RAMP1: variants seen among roughly 807,000 people sequenced by gnomAD.
The protein encoded by RAMP1 is receptor activity modifying protein 1.
RAMP1 carries 7 observed loss-of-function variants against 8.2 expected under a neutral mutation model. That is an observed-to-expected ratio of 0.85 (90% confidence interval 0.49 to 1.60). The LOEUF (loss-of-function observed/expected upper bound fraction) is 1.60. RAMP1 is among the 40% of genes most tolerant of loss of function. The pLI, the probability that RAMP1 is intolerant of heterozygous loss-of-function variation, is 0.00. For missense variants in RAMP1, 192 were observed against 202.4 expected (o/e 0.95, Z 0.31); for synonymous variants, 92 against 84.7 (o/e 1.09, Z -0.47).
intron 2 of RAMP1, among the ~76,000 whole-genome samples, chr2:237,910,087 G>C (rs551403399): frequency 4.6e-5 from 7 of 152,254 alleles, no homozygotes; most frequent in African/African-American, 1.7e-4. Flanking sequence ...AGCCGTGGCA[G>C]GATAGGGTCA....
intron 1 of RAMP1, among the ~76,000 whole-genome samples, chr2:237,871,498 C>G (rs779843417): frequency 6.6e-6 from 1 of 152,164 alleles, no homozygotes; most frequent in Admixed American, 6.5e-5. Flanking sequence ...AGGGACAGAT[C>G]GTGGCAACTG....
chr2:237,880,666 G>A (rs1322149406), intron 2 of RAMP1, among the ~76,000 whole-genome samples: 1 of 152,222 alleles, frequency 6.6e-6, no homozygotes, highest in Admixed American at 6.5e-5. Flanking sequence ...GGGCCCAGCA[G>A]GCCAGCAGGC....
intron 2 of RAMP1, 137 bp from the exon 3 acceptor site, chr2:237,911,391 C>A: frequency 8.0e-7 from 1 of 1,255,010 alleles, no homozygotes. Flanking sequence ...GATCCAGGGC[C>A]ACTGCCTCGG....
chr2:237,910,345 TC>T (rs1284523984), intron 2 of RAMP1, among the ~76,000 whole-genome samples: 1 of 145,304 alleles, frequency 6.9e-6, no homozygotes, highest in Non-Finnish European at 1.5e-5. Flanking sequence ...AATAACACAG[TC>T]ACACACACAC....
intron 2 of RAMP1, among the ~76,000 whole-genome samples, chr2:237,909,203 C>T (rs994633657): frequency 2.5e-4 from 38 of 152,126 alleles, no homozygotes; most frequent in Non-Finnish European, 2.8e-4. Flanking sequence ...CCACCGAGGG[C>T]GAGGGACAGT....
intron 2 of RAMP1, among the ~76,000 whole-genome samples, chr2:237,884,185 C>A (rs374423239): frequency 5.3e-5 from 8 of 152,154 alleles, no homozygotes; most frequent in African/African-American, 1.9e-4. Context: ...CTACATGGAA[C>A]AGGTCCCTGA....
chr2:237,890,326 T>C (rs2062475962), intron 2 of RAMP1, among the ~76,000 whole-genome samples: 1 of 151,984 alleles, frequency 6.6e-6, no homozygotes, highest in South Asian at 2.1e-4. Flanking sequence ...CTCAGCCTCC[T>C]GAGTAGCTGG....
At chr2:237,909,265 C>T (rs1344296983) in intron 2 of RAMP1, among the ~76,000 whole-genome samples, 3 of 152,156 alleles carry the variant, frequency 2.0e-5, no homozygotes, top group Non-Finnish European at 4.4e-5. Context: ...ACCTGGCAGC[C>T]CTCCAGCCTT....
chr2:237,906,010 C>CAAAAAAA (rs377067863), intron 2 of RAMP1, among the ~76,000 whole-genome samples: 1 of 95,784 alleles, frequency 1.0e-5, no homozygotes, highest in Non-Finnish European at 2.1e-5. Context: ...GACTCTGTCT[C>CAAAAAAA]AAAAAAAAAA....
chr2:237,892,550 G>A (rs527841039), intron 2 of RAMP1, among the ~76,000 whole-genome samples: 14 of 152,164 alleles, frequency 9.2e-5, no homozygotes, highest in African/African-American at 1.7e-4. Flanking sequence ...GTGAGCCACC[G>A]TGCCCAGCCT....
At chr2:237,905,989 C>A (rs1313943799) in intron 2 of RAMP1, among the ~76,000 whole-genome samples, 2 of 124,404 alleles carry the variant, frequency 1.6e-5, no homozygotes, top group African/African-American at 3.1e-5. Flanking sequence ...CCAGCCTGGG[C>A]AACAGAGCAA....
At chr2:237,861,217 C>T (rs996506942) in intron 1 of RAMP1, among the ~76,000 whole-genome samples, 2 of 151,982 alleles carry the variant, frequency 1.3e-5, no homozygotes, top group Non-Finnish European at 2.9e-5. Context: ...CCTTGTTTAC[C>T]GAGAAAACTA....
intron 2 of RAMP1, among the ~76,000 whole-genome samples, chr2:237,897,443 G>A (rs1296583786): frequency 6.6e-6 from 1 of 152,338 alleles, no homozygotes; most frequent in East Asian, 1.9e-4. Context: ...CCACAGCAGC[G>A]AGAACACTGA....
intron 1 of RAMP1, among the ~76,000 whole-genome samples, chr2:237,860,381 AAAG>A: frequency 6.6e-6 from 1 of 152,252 alleles, no homozygotes; most frequent in Non-Finnish European, 1.5e-5. Flanking sequence ...ATAGAAATTT[AAAG>A]AAGGACGGGT....
chr2:237,894,840 G>T (rs2062522362), intron 2 of RAMP1, among the ~76,000 whole-genome samples: 1 of 152,300 alleles, frequency 6.6e-6, no homozygotes, highest in East Asian at 1.9e-4. Context: ...GGAACAAAGG[G>T]ACACGTGTTC....
At chr2:237,881,689 T>C (rs2062369917) in intron 2 of RAMP1, among the ~76,000 whole-genome samples, 1 of 152,282 alleles carries the variant, frequency 6.6e-6, no homozygotes, top group South Asian at 2.1e-4. Context: ...ACATCTTTCG[T>C]ATGTTTACAG....
In RAMP1 at chr2:237,862,403, G is replaced by A. The variant is rs906791433; in HGVS notation, c.52+2676G>A. On this transcript the variant is annotated intron_variant, in intron 1 of 2. Coordinates refer to ENST00000254661, the MANE Select transcript of RAMP1 (RefSeq NM_005855.4). The surrounding 1 kb of genome is among the most constrained non-coding windows in gnomAD (Gnocchi z 4.0). ...CTTCCACAGGCGCATGCCTGTCAGCGTGCTTATTACCAGTCCGAGGCCAGG... is the reference window on the plus strand; with the variant it reads ...CTTCCACAGGCGCATGCCTGTCAGCATGCTTATTACCAGTCCGAGGCCAGG... Among the ~76,000 whole-genome samples the A allele has an allele frequency of 1.3e-5, 2 of 152,152 alleles. No individual in the cohort carries two copies. Among genetic ancestry groups the A allele is most frequent in the South Asian group, 2.1e-4 (1 of 4,834 alleles).
At chr2:237,884,652 G>A (rs1168768295) in intron 2 of RAMP1, among the ~76,000 whole-genome samples, 1 of 152,216 alleles carries the variant, frequency 6.6e-6, no homozygotes, top group Non-Finnish European at 1.5e-5. Flanking sequence ...AGATGCCAGA[G>A]GATGGGGCCA....
chr2:237,877,497 G>T lies in RAMP1; in HGVS notation c.191+135G>T, dbSNP rs1282212246. On this transcript the variant is annotated intron_variant, in intron 2 of 2. Transcript: ENST00000254661. The surrounding 1 kb of genome is among the most constrained non-coding windows in gnomAD (Gnocchi z 4.4). ...AAGGGTTCTTCCCCCAGTGGGGGGG[G>T]CCGGGATGAAGACAGAGGAGGGAGC... 4.1e-6 allele frequency: 5 copies of T among 1,231,018 alleles called. No homozygotes were observed. The highest frequency in any genetic ancestry group is 5.5e-6 in the Non-Finnish European group (5 of 908,024). The allele number at this position is 1,231,018 out of a possible 1,614,324, so 76.3% of individuals were successfully genotyped here.
Sources: allele counts gnomAD v4.1 joint callset (sites outside exome capture counted in the v4.1 genomes callset), GRCh38; gene constraint gnomAD v4.1.1; non-coding constraint Gnocchi (gnomAD v3.1); transcripts MANE v1.5; gene names NCBI Gene and HGNC (gene_info 2026-07-23, HGNC 2026-07-21).